The following PRKD2 variants were observed in gnomAD, a reference collection of about 807,000 sequenced individuals.
PRKD2 encodes serine/threonine-protein kinase D2.
A neutral mutation model predicts 86.0 loss-of-function variants in PRKD2; 22 were observed. That is an observed-to-expected ratio of 0.26 (90% CI 0.18 to 0.37). The LOEUF (loss-of-function observed/expected upper bound fraction) is 0.37. Among genes scored for constraint, PRKD2 ranks in the 10% least tolerant of loss-of-function variants. The pLI, the probability that PRKD2 is intolerant of heterozygous loss-of-function variation, is 1.00. For synonymous variants in PRKD2, 509 were observed against 510.9 expected (o/e 1.00, Z 0.05); for missense variants, 818 against 1,199.2 (o/e 0.68, Z 4.70).
At chr19:46,681,102 C>T (rs2053299303) in intron 15 of PRKD2, among the ~76,000 whole-genome samples, 3 of 150,566 alleles carry the variant, frequency 2.0e-5, no homozygotes, top group Admixed American at 1.3e-4. Context: ...TACAGGCGCA[C>T]ACCACCACGC....
intron 2 of PRKD2, 35 bp from the exon 3 acceptor site, chr19:46,711,073 G>C (rs1333896309): frequency 1.1e-5 from 17 of 1,551,000 alleles, no homozygotes; most frequent in East Asian, 4.8e-5. Context: ...TGCTTGAGGC[G>C]GGGTAGGCCA....
At chr19:46,697,386 C>G (rs1397136581) in intron 8 of PRKD2, 152 bp from the exon 9 acceptor site, 2 of 615,150 alleles carry the variant, frequency 3.3e-6, no homozygotes, top group East Asian at 2.8e-5. Flanking sequence ...CCCCACCACA[C>G]GCCCTAACCC....
chr19:46,706,862 G>C (rs2053720567), intron 3 of PRKD2, among the ~76,000 whole-genome samples: 1 of 151,816 alleles, frequency 6.6e-6, no homozygotes, highest in Non-Finnish European at 1.5e-5. Flanking sequence ...ATGATGATCT[G>C]GAACACAGGA....
rs1449425926 is a variant in PRKD2 at position 46,693,432 on chromosome 19, T to C, written c.1576+443A>G. On this transcript the variant is annotated intron_variant, in intron 10 of 17. Transcript: ENST00000291281. The surrounding 1 kb of genome is among the most constrained non-coding windows in gnomAD (Gnocchi z 4.5). ...CCAGGAGCTTAACAGAGATTTGTTGTGGATTTTTGTTGTTGTTGTTTTTTC... is the reference window on the plus strand; with the variant it reads ...CCAGGAGCTTAACAGAGATTTGTTGCGGATTTTTGTTGTTGTTGTTTTTTC... Among the ~76,000 whole-genome samples the C allele has an allele frequency of 6.6e-6, 1 of 152,058 alleles. No homozygotes were observed. Among genetic ancestry groups the C allele is most frequent in the Admixed American group, 6.6e-5 (1 of 15,266 alleles).
chr19:46,688,147 C>T (rs543091459), intron 14 of PRKD2, among the ~76,000 whole-genome samples: 1 of 152,246 alleles, frequency 6.6e-6, no homozygotes, highest in African/African-American at 2.4e-5. Context: ...GCCTTGGCCT[C>T]CCAAAGCGCT....
In PRKD2 at chr19:46,708,971, G is replaced by GTTTTTTTTTTTTTTTTTTTTTTT. The variant is rs796086305; in HGVS notation, c.511+1935_511+1936insAAAAAAAAAAAAAAAAAAAAAAA. Among the ~76,000 whole-genome samples the GTTTTTTTTTTTTTTTTTTTTTTT allele has an allele frequency of 3.7e-5, 3 of 80,296 alleles. 1 individual carries two copies. Among genetic ancestry groups the GTTTTTTTTTTTTTTTTTTTTTTT allele is most frequent in the African/African-American group, 1.0e-4 (2 of 19,638 alleles). 52.7% of individuals were successfully genotyped at this position (80,296 alleles called of 152,430 possible). A position where few individuals can be genotyped will look rare whatever the true frequency, so the allele number is the denominator to read the frequency against. ...TTGCCATGAAGGTTGGTTTGTTTGTGGTTTTTTTTTTTTTTTTTTTTTTTG... is the reference window on the plus strand; with the variant it reads ...TTGCCATGAAGGTTGGTTTGTTTGTGTTTTTTTTTTTTTTTTTTTTTTTGTTTTTTTTTTTTTTTTTTTTTTTG... On this transcript the variant is annotated intron_variant, in intron 3 of 17. Coordinates refer to ENST00000291281, the MANE Select transcript of PRKD2 (RefSeq NM_016457.5).
chr19:46,680,946 A>ATATATTTT lies in PRKD2; in HGVS notation c.2070+703_2070+704insAAAATATA. On this transcript the variant is annotated intron_variant, in intron 15 of 17. Transcript: ENST00000291281. The stretch of plus-strand genomic sequence containing the variant: ...AAACTATATATATATATATATATAT[A>ATATATTTT]TTTTTTTTTTTTTTTTTGAGACAGA... Among the ~76,000 whole-genome samples the ATATATTTT allele has an allele frequency of 1.9e-4, 9 of 48,258 alleles. 1 individual carries two copies. Among genetic ancestry groups the ATATATTTT allele is most frequent in the Admixed American group, 1.8e-3 (6 of 3,256 alleles). The allele number at this position is 48,258 out of a possible 152,430, so 31.7% of individuals were successfully genotyped here.
At chr19:46,679,127 G>C (rs1273173066) in intron 15 of PRKD2, among the ~76,000 whole-genome samples, 1 of 152,092 alleles carries the variant, frequency 6.6e-6, no homozygotes, top group African/African-American at 2.4e-5. Context: ...TGGATCATTT[G>C]AGGTCAGGAG....
At chr19:46,701,332 C>G (rs150054547) in intron 5 of PRKD2, among the ~76,000 whole-genome samples, 1 of 151,422 alleles carries the variant, frequency 6.6e-6, no homozygotes, top group Admixed American at 6.6e-5. Context: ...CTCAAAATCC[C>G]GACGACTGCT....
chr19:46,699,985 C>T (rs1434325744), intron 7 of PRKD2, among the ~76,000 whole-genome samples: 1 of 151,146 alleles, frequency 6.6e-6, no homozygotes, highest in African/African-American at 2.4e-5. Flanking sequence ...CCTGTAATCC[C>T]AGCACTTTGG....
At chr19:46,686,481 T>TA (rs34228000) in intron 14 of PRKD2, among the ~76,000 whole-genome samples, 285 of 134,348 alleles carry the variant, frequency 2.1e-3, no homozygotes, top group South Asian at 5.3e-3. Context: ...ACAAAAACAT[T>TA]AAAAAAAAAA....
At chr19:46,708,666 G>A (rs988634626) in intron 3 of PRKD2, among the ~76,000 whole-genome samples, 6 of 152,130 alleles carry the variant, frequency 3.9e-5, no homozygotes, top group African/African-American at 4.8e-5. Flanking sequence ...CCATGTGAGC[G>A]CACAGTGAAA....
intron 16 of PRKD2, among the ~76,000 whole-genome samples, chr19:46,676,850 A>T (rs1367898660): frequency 6.6e-6 from 1 of 152,202 alleles, no homozygotes; most frequent in Non-Finnish European, 1.5e-5. Flanking sequence ...ACTTGAGGTC[A>T]GGAGTTCAAG....
At chr19:46,710,665 G>T in intron 3 of PRKD2, 8 of 453,074 alleles carry the variant, frequency 1.8e-5, no homozygotes, top group East Asian at 3.4e-5. Flanking sequence ...GCCCCTACTT[G>T]TCCCTCCCAG....
At chr19:46,701,621 T>C (rs556494103) in intron 5 of PRKD2, among the ~76,000 whole-genome samples, 1 of 151,770 alleles carries the variant, frequency 6.6e-6, no homozygotes, top group African/African-American at 2.4e-5. Flanking sequence ...CTAAAAGTGC[T>C]GGGATTACAG....
At chr19:46,687,901 C>A (rs2053424417) in intron 14 of PRKD2, among the ~76,000 whole-genome samples, 1 of 152,178 alleles carries the variant, frequency 6.6e-6, no homozygotes, top group Non-Finnish European at 1.5e-5. Context: ...CACGGTCTCG[C>A]TCTGTCACCC....
Position 46,704,249 on chromosome 19 carries a change from T to A in PRKD2, c.809A>T (p.His270Leu). 1 of 1,614,034 alleles carries A rather than the reference T, an allele frequency of 6.2e-7. No individual in the cohort carries two copies. Among genetic ancestry groups the A allele is most frequent in the Non-Finnish European group, 8.5e-7 (1 of 1,179,972 alleles). Residue 270 changes from histidine to leucine, a missense_variant, in exon 5 of 18, where the codon CAC (histidine) becomes CTC (leucine). By Grantham distance (99) the His-to-Leu change is moderately conservative. Transcript: ENST00000291281. ...KVKVPHTFLI[H>L]SYTRPTVCQA... ...GCAAACGGTGGGCCGTGTATAGCTG[T>A]GGATGAGGAAGGTGTGCGGCACCTT... is the stretch of plus-strand genomic sequence containing the variant.
chr19:46,683,052 G>C (rs189710287), intron 14 of PRKD2, among the ~76,000 whole-genome samples: 20 of 151,320 alleles, frequency 1.3e-4, no homozygotes, highest in Admixed American at 9.2e-4. Flanking sequence ...AGGCTGAAGT[G>C]CAGTATCATT....
At chr19:46,691,170 G>T (rs115397339) in intron 12 of PRKD2, among the ~76,000 whole-genome samples, 1 of 151,736 alleles carries the variant, frequency 6.6e-6, no homozygotes, top group Non-Finnish European at 1.5e-5. Flanking sequence ...TTTACCACCC[G>T]CCCCATACAA....
Sources: allele counts gnomAD v4.1 joint callset (sites outside exome capture counted in the v4.1 genomes callset), GRCh38; gene constraint gnomAD v4.1.1; non-coding constraint Gnocchi (gnomAD v3.1); transcripts MANE v1.5; gene names NCBI Gene and HGNC (gene_info 2026-07-23, HGNC 2026-07-21).